The following MACROD2 variants were observed in gnomAD, a reference collection of about 807,000 sequenced individuals.
MACROD2 encodes the protein ADP-ribose glycohydrolase MACROD2.
In MACROD2, 36 loss-of-function variants were observed where a neutral mutation model predicts 70.4. That is an observed-to-expected ratio of 0.51 (90% CI 0.39 to 0.68). The LOEUF is 0.68. MACROD2 is among the 30% of genes least tolerant of loss of function. The probability of loss-of-function intolerance (pLI) is 0.00; values close to 1 mark genes in which losing one functional copy is unlikely to be tolerated. For missense variants in MACROD2, 496 were observed against 538.4 expected (o/e 0.92, Z 0.78); for synonymous variants, 172 against 178.8 (o/e 0.96, Z 0.30).
In MACROD2 at chr20:16,049,909, C is replaced by T. The variant is rs2067436183; in HGVS notation, c.*33C>T. The T allele has an allele frequency of 9.6e-6, 12 of 1,251,826 alleles. No individual in the cohort carries two copies. The highest frequency in any genetic ancestry group is 2.0e-5 in the African/African-American group (1 of 49,006). 77.5% of individuals were successfully genotyped at this position (1,251,826 alleles called of 1,614,324 possible). ...CAGCATCGCAAGGCCTCTCCTGGCT[C>T]TGGGGGAGCTCGGGAAGATAGCAGC... On this transcript the variant is annotated 3_prime_UTR_variant, in exon 18 of 18. Coordinates refer to ENST00000684519, the MANE Select transcript of MACROD2 (RefSeq NM_001351661.2).
intron 8 of MACROD2, among the ~76,000 whole-genome samples, chr20:15,776,878 T>C (rs1275653683): frequency 1.3e-5 from 2 of 152,172 alleles, no homozygotes; most frequent in East Asian, 1.9e-4. Flanking sequence ...TTAAGTGCCA[T>C]AGAAGATTTT....
At chr20:14,480,597 T>C (rs935385923) in intron 3 of MACROD2, among the ~76,000 whole-genome samples, 1 of 152,178 alleles carries the variant, frequency 6.6e-6, no homozygotes, top group Non-Finnish European at 1.5e-5. Flanking sequence ...TTCTCACCAA[T>C]GATAATACTT....
At chr20:14,177,047 T>C (rs2081268176) in intron 3 of MACROD2, among the ~76,000 whole-genome samples, 1 of 152,116 alleles carries the variant, frequency 6.6e-6, no homozygotes, top group South Asian at 2.1e-4. Flanking sequence ...AATAGAGACT[T>C]CCCCTCTTTG....
chr20:15,443,779 A>G (rs1421777126), intron 7 of MACROD2, among the ~76,000 whole-genome samples: 2 of 152,108 alleles, frequency 1.3e-5, no homozygotes, highest in Admixed American at 6.6e-5. Flanking sequence ...CAGCTCTCCA[A>G]TGTAAGGAGG....
At chr20:15,951,306 GAC>G (rs58032991) in intron 12 of MACROD2, among the ~76,000 whole-genome samples, 9,021 of 135,516 alleles carry the variant, frequency 0.067, 357 homozygotes, top group African/African-American at 0.12. Context: ...TATTTATCTA[GAC>G]ACACACACAC....
chr20:15,341,881 T>C (rs1168529476), intron 6 of MACROD2, among the ~76,000 whole-genome samples: 1 of 152,018 alleles, frequency 6.6e-6, no homozygotes, highest in Non-Finnish European at 1.5e-5. Context: ...CAACAACCTG[T>C]CTCTACAAAA....
At chr20:14,924,344 C>T (rs1208571301) in intron 5 of MACROD2, among the ~76,000 whole-genome samples, 2 of 151,808 alleles carry the variant, frequency 1.3e-5, no homozygotes, top group East Asian at 3.9e-4. Context: ...AAGGATGAGG[C>T]ATAAGAATTG....
At chr20:15,097,759 A>G (rs1179213482) in intron 5 of MACROD2, among the ~76,000 whole-genome samples, 1 of 152,190 alleles carries the variant, frequency 6.6e-6, no homozygotes, top group African/African-American at 2.4e-5. Context: ...GCTGCCATGG[A>G]AAGTTAGGGC....
chr20:15,239,800 A>G (rs2077045126), intron 6 of MACROD2, among the ~76,000 whole-genome samples: 1 of 152,218 alleles, frequency 6.6e-6, no homozygotes. Flanking sequence ...TAGGTGACAA[A>G]TGTGTGGAAG....
At chr20:14,789,449 A>C (rs979378057) in intron 5 of MACROD2, among the ~76,000 whole-genome samples, 1 of 128,922 alleles carries the variant, frequency 7.8e-6, no homozygotes, top group Non-Finnish European at 1.6e-5. Flanking sequence ...TGGATTAATC[A>C]GGTAGTGCAA....
chr20:14,999,999 T>A (rs1318876137), intron 5 of MACROD2, among the ~76,000 whole-genome samples: 1 of 152,192 alleles, frequency 6.6e-6, no homozygotes, highest in Non-Finnish European at 1.5e-5. Context: ...TGTACAAACT[T>A]TAAGCAATTG....
At chr20:15,350,367 G>A (rs778384963) in intron 6 of MACROD2, among the ~76,000 whole-genome samples, 2 of 152,130 alleles carry the variant, frequency 1.3e-5, no homozygotes, top group Admixed American at 1.3e-4. Flanking sequence ...TTTCAATTGT[G>A]ATTTTCTTTT....
intron 8 of MACROD2, among the ~76,000 whole-genome samples, chr20:15,556,399 A>C (rs2048170007): frequency 6.6e-6 from 1 of 152,094 alleles, no homozygotes; most frequent in African/African-American, 2.4e-5. Context: ...TTTTTTCCCA[A>C]AATCTTTGCT....
At chr20:15,563,757 C>G (rs191620276) in intron 8 of MACROD2, among the ~76,000 whole-genome samples, 2 of 152,136 alleles carry the variant, frequency 1.3e-5, no homozygotes, top group East Asian at 1.9e-4. Context: ...ACTATAAAAA[C>G]CTTTTAAAAA....
chr20:15,608,497 G>A (rs996202348), intron 8 of MACROD2, among the ~76,000 whole-genome samples: 1 of 152,112 alleles, frequency 6.6e-6, no homozygotes, highest in Non-Finnish European at 1.5e-5. Context: ...TCAAGGAGCC[G>A]AGCCTAACTA....
At chr20:16,004,086 A>T (rs1339675132) in intron 15 of MACROD2, among the ~76,000 whole-genome samples, 1 of 152,140 alleles carries the variant, frequency 6.6e-6, no homozygotes. Context: ...CACAACTGCC[A>T]CTGTGGGAGA....
intron 5 of MACROD2, among the ~76,000 whole-genome samples, chr20:15,095,505 G>T (rs1219900840): frequency 1.3e-5 from 2 of 151,640 alleles, no homozygotes; most frequent in African/African-American, 4.8e-5. Context: ...GTTTTGTTTT[G>T]TGTTTTTTGT....
At chr20:15,016,684 C>T (rs899210746) in intron 5 of MACROD2, among the ~76,000 whole-genome samples, 6 of 151,960 alleles carry the variant, frequency 3.9e-5, no homozygotes, top group Admixed American at 2.0e-4. Context: ...AAACTGGGAA[C>T]GAAGAAAGGT....
At chr20:14,379,170 C>A (rs2083399519) in intron 3 of MACROD2, among the ~76,000 whole-genome samples, 1 of 152,030 alleles carries the variant, frequency 6.6e-6, no homozygotes, top group Admixed American at 6.6e-5. Flanking sequence ...CAAAACAAAA[C>A]AAAATGATAG....
Sources: gnomAD v4.1 joint callset for allele counts (sites outside exome capture counted in the v4.1 genomes callset) on GRCh38, gnomAD v4.1.1 for gene constraint, MANE v1.5 for transcripts, NCBI Gene and HGNC (gene_info 2026-07-23, HGNC 2026-07-21) for gene names.